Variants in PSD3 observed in about 807,000 individuals in gnomAD.
The protein encoded by PSD3 is pleckstrin and Sec7 domain containing 3, also known as PH and SEC7 domain-containing protein 3.
In PSD3, 49 loss-of-function variants were observed where a neutral mutation model predicts 105.5. The ratio of observed to expected loss-of-function variants is 0.46; its 90% confidence interval spans 0.37 to 0.59. PSD3 has a LOEUF of 0.59. Ranked by LOEUF, PSD3 falls within the 20% of genes least tolerant of loss-of-function variation. The probability of loss-of-function intolerance (pLI) is 0.00; values close to 1 mark genes in which losing one functional copy is unlikely to be tolerated. For synonymous variants in PSD3, 557 were observed against 457.8 expected, an observed-to-expected ratio of 1.22 and a Z score of -2.77; for missense variants, 1,561 against 1,263.8, an observed-to-expected ratio of 1.24 and a Z score of -3.57.
intron 8 of PSD3, among the ~76,000 whole-genome samples, chr8:18,790,583 T>C (rs1029959513): frequency 6.6e-6 from 1 of 152,112 alleles, no homozygotes; most frequent in African/African-American, 2.4e-5. Flanking sequence ...ATTACAGGCG[T>C]GAGCCACTAC....
In PSD3 at chr8:18,816,436, C is replaced by T. The variant is rs1412959456; in HGVS notation, c.1635-11538G>A. ...TGCATTCAGCCTCTTAACTAATAAG[C>T]TATGTGGCTTTCTAACCGATATTAC... On this transcript the variant is annotated intron_variant, in intron 4 of 15. Transcript: ENST00000327040. Among the ~76,000 whole-genome samples the T allele has an allele frequency of 2.0e-5, 3 of 152,156 alleles. No individual in the cohort carries two copies. In the East Asian group the frequency reaches 5.8e-4, roughly 29 times the overall value.
intron 11 of PSD3, among the ~76,000 whole-genome samples, chr8:18,619,541 G>A (rs1805953236): frequency 6.6e-6 from 1 of 152,012 alleles, no homozygotes; most frequent in African/African-American, 2.4e-5. Context: ...TACTTGGGAG[G>A]CTGAGGCAGG....
At chr8:18,857,974 TAGAC>T (rs1816151304) in intron 4 of PSD3, among the ~76,000 whole-genome samples, 1 of 152,142 alleles carries the variant, frequency 6.6e-6, no homozygotes, top group Non-Finnish European at 1.5e-5. Flanking sequence ...TATCTAACAT[TAGAC>T]AGGACAGAGA....
intron 9 of PSD3, among the ~76,000 whole-genome samples, chr8:18,725,755 G>C (rs1803298030): frequency 6.6e-6 from 1 of 152,070 alleles, no homozygotes; most frequent in Non-Finnish European, 1.5e-5. Flanking sequence ...TATTGGCCAA[G>C]AACACACTGC....
At chr8:18,772,708 C>T (rs1807654773) in intron 8 of PSD3, among the ~76,000 whole-genome samples, 1 of 152,078 alleles carries the variant, frequency 6.6e-6, no homozygotes. Context: ...TGGGGTTTTA[C>T]CATGTTGCAC....
At chr8:18,771,819 T>A (rs1207651166) in intron 8 of PSD3, among the ~76,000 whole-genome samples, 3 of 152,268 alleles carry the variant, frequency 2.0e-5, no homozygotes, top group African/African-American at 4.8e-5. Flanking sequence ...CACACTGTTG[T>A]GGAACAGAAT....
At chr8:18,828,067 A>ATATATT (rs371473289) in intron 4 of PSD3, among the ~76,000 whole-genome samples, 113 of 118,878 alleles carry the variant, frequency 9.5e-4, no homozygotes, top group African/African-American at 3.8e-3. Context: ...ATATATATAT[A>ATATATT]TTTTTTTTTT....
intron 4 of PSD3, among the ~76,000 whole-genome samples, chr8:18,805,795 G>T (rs1358232037): frequency 6.6e-6 from 1 of 152,164 alleles, no homozygotes; most frequent in African/African-American, 2.4e-5. Context: ...TTTGCGGGCA[G>T]ATACAAGTTT....
chr8:18,632,278 G>A (rs1317149059), intron 11 of PSD3, among the ~76,000 whole-genome samples: 1 of 152,054 alleles, frequency 6.6e-6, no homozygotes, highest in Non-Finnish European at 1.5e-5. Context: ...CATGAAGACA[G>A]AAACCTTGTC....
At chr8:18,899,654 AG>A (rs1249843710) in intron 2 of PSD3, among the ~76,000 whole-genome samples, 1 of 152,032 alleles carries the variant, frequency 6.6e-6, no homozygotes, top group Admixed American at 6.6e-5. Context: ...TGGGTGGCTA[AG>A]GGTATTGTCC....
chr8:18,730,904 CA>C (rs1042903678), intron 9 of PSD3, among the ~76,000 whole-genome samples: 7 of 149,030 alleles, frequency 4.7e-5, no homozygotes, highest in African/African-American at 9.8e-5. Context: ...AGATGGCTAC[CA>C]AAAAAAAAAT....
intron 1 of PSD3, among the ~76,000 whole-genome samples, 169 bp downstream of exon 1, chr8:19,013,394 G>C (rs2129475477): frequency 6.6e-6 from 1 of 152,202 alleles, no homozygotes; most frequent in East Asian, 1.9e-4. Context: ...AAAACACAAA[G>C]CAAGCAAGCG....
rs545833271 is a variant in PSD3, at chr8:18,673,376, T to A, written c.2173-17691A>T. On this transcript the variant is annotated intron_variant, in intron 9 of 15. Transcript: ENST00000327040. ...CACTAGGCTACGTTTCCATTTTTTG[T>A]AAGATTTTTGATTTCCCTGGAGTTA... Among the ~76,000 whole-genome samples, 64 of 152,348 alleles carry A rather than the reference T, an allele frequency of 4.2e-4. 1 individual carries two copies. Among genetic ancestry groups the A allele is most frequent in the Non-Finnish European group, 6.8e-4 (46 of 68,034 alleles).
rs1056882550 is a variant in PSD3 at position 18,527,653 on chromosome 8, C to T, written c.*8090G>A. 1.3e-5 allele frequency: 2 copies of T among 152,576 alleles called. No homozygotes were observed. The highest frequency in any genetic ancestry group is 2.4e-5 in the African/African-American group (1 of 41,428). The allele number at this position is 152,576 out of a possible 1,614,324, so 9.5% of individuals were successfully genotyped here. A position where few individuals can be genotyped will look rare whatever the true frequency, so the allele number is the denominator to read the frequency against. The stretch of plus-strand genomic sequence containing the variant: ...AAATAAAGCAATTGTAAAATGTAAA[C>T]TTAATTGTCAAAATATTCTTTAAAC... On this transcript the variant is annotated 3_prime_UTR_variant, in exon 16 of 16. Transcript: ENST00000327040.
chr8:18,664,930 T>C (rs1799360662), intron 9 of PSD3, among the ~76,000 whole-genome samples: 2 of 152,220 alleles, frequency 1.3e-5, no homozygotes, highest in South Asian at 4.1e-4. Flanking sequence ...TTGCTAAATA[T>C]TTTTAGTCCA....
chr8:18,744,055 T>G (rs1804795569), intron 9 of PSD3, among the ~76,000 whole-genome samples: 1 of 150,000 alleles, frequency 6.7e-6, no homozygotes, highest in Non-Finnish European at 1.5e-5. Flanking sequence ...CACATTCATC[T>G]TCTAGATTCT....
intron 1 of PSD3, among the ~76,000 whole-genome samples, chr8:19,009,784 G>A (rs748829041): frequency 6.6e-6 from 1 of 151,660 alleles, no homozygotes; most frequent in African/African-American, 2.4e-5. Context: ...CCAGCCACTC[G>A]GGAGGCTGAG....
intron 1 of PSD3, among the ~76,000 whole-genome samples, chr8:18,961,284 T>C (rs1823898593): frequency 6.6e-6 from 1 of 152,160 alleles, no homozygotes; most frequent in African/African-American, 2.4e-5. Flanking sequence ...ACTCAATACT[T>C]ACGAGTCCAC....
intron 6 of PSD3, chr8:18,803,240 TGGTG>T: frequency 7.2e-6 from 1 of 138,564 alleles, no homozygotes; most frequent in Admixed American, 1.1e-4. Flanking sequence ...TGAGCCAAGA[TGGTG>T]CTACTGCACT....
Sources: gnomAD v4.1 joint callset for allele counts (sites outside exome capture counted in the v4.1 genomes callset) on GRCh38, gnomAD v4.1.1 for gene constraint, MANE v1.5 for transcripts, NCBI Gene and HGNC (gene_info 2026-07-23, HGNC 2026-07-21) for gene names.